The following STK32C variants were observed in gnomAD, a reference collection of about 807,000 sequenced individuals.
STK32C encodes serine/threonine kinase 32C.
A neutral mutation model predicts 56.5 loss-of-function variants in STK32C; 31 were observed. The observed-to-expected ratio is 0.55, with a 90% CI of 0.41 to 0.74. The LOEUF is 0.74. Among genes scored for constraint, STK32C ranks in the 30% least tolerant of loss-of-function variants. STK32C has a pLI of 0.00. For synonymous variants in STK32C, 309 were observed against 289.4 expected, an observed-to-expected ratio of 1.07 and a Z score of -0.69; for missense variants, 544 against 676.9, an observed-to-expected ratio of 0.80 and a Z score of 2.18.
intron 2 of STK32C, among the ~76,000 whole-genome samples, chr10:132,242,310 G>T (rs1055384577): frequency 6.6e-6 from 1 of 152,078 alleles, no homozygotes; most frequent in Admixed American, 6.5e-5. Context: ...GGGACGAGTG[G>T]GGGGAGTGCA....
chr10:132,298,351 G>A (rs1020950100), intron 1 of STK32C, among the ~76,000 whole-genome samples: 3 of 152,246 alleles, frequency 2.0e-5, no homozygotes, highest in African/African-American at 7.2e-5. Flanking sequence ...GCGCCCTGGG[G>A]CCTCTCAGGA....
upstream of STK32C, among the ~76,000 whole-genome samples, chr10:132,310,749 G>A (rs975132714): frequency 1.3e-5 from 2 of 152,264 alleles, no homozygotes; most frequent in Admixed American, 6.5e-5. This position sits in a 1 kb window ranked among gnomAD's most constrained non-coding sequence, Gnocchi z 4.6. Flanking sequence ...CTGACGTCTA[G>A]CACGCAGGAG....
chr10:132,319,168 C>T (rs930544593), downstream of STK32C, among the ~76,000 whole-genome samples: 3 of 152,132 alleles, frequency 2.0e-5, no homozygotes, highest in Non-Finnish European at 2.9e-5. Flanking sequence ...AGGCTGGTCT[C>T]GAAATCCTGA....
rs377579229 is a variant in STK32C, at chr10:132,245,951, G to C, written c.267C>G (p.Asn89Lys). 6.2e-7 allele frequency: 1 copy of C among 1,613,610 alleles called. No individual in the cohort carries two copies. Among genetic ancestry groups the C allele is most frequent in the South Asian group, 1.1e-5 (1 of 91,088 alleles). The change falls in exon 2 of 12, where the codon AAC becomes AAG. Residue 89 changes from asparagine (N) to lysine (K), a missense_variant. Asn to Lys is a moderately conservative substitution (Grantham distance 94). Coordinates refer to ENST00000298630, the MANE Select transcript of STK32C (RefSeq NM_173575.4). ...CCCGAAGGATCTGGAAGTGGTCGAA[G>C]TTCACTGCAGGATAAAACAGAGGGA... ...RPVFDDKEDV[N>K]FDHFQILRAI...
In STK32C at chr10:132,224,416, C is replaced by T. The variant is rs2062801602; in HGVS notation, c.984G>A (p.Leu328=). ...VPTWSKEMVA[L]LRKLLTVNPE... ...AGGGATGGGGGCTCACCTTCCGCAG[C>T]AAGGCCACCATCTCCTTGGACCACG... The change falls in exon 8 of 12, where the codon TTG becomes TTA. Residue 328 remains leucine, a synonymous_variant. Transcript: ENST00000298630. 3.7e-5 allele frequency: 57 copies of T among 1,551,970 alleles called. No individual in the cohort carries two copies. Among genetic ancestry groups the T allele is most frequent in the Non-Finnish European group, 4.7e-5 (54 of 1,147,484 alleles).
chr10:132,224,363 G>A (rs895445297), intron 8 of STK32C, 44 bp downstream of exon 8: 4 of 1,410,734 alleles, frequency 2.8e-6, no homozygotes, highest in South Asian at 1.2e-5. Flanking sequence ...GAGGGAGGGA[G>A]GTGGGTGCTC....
At chr10:132,266,246 C>T (rs943474083) in intron 1 of STK32C, among the ~76,000 whole-genome samples, 3 of 152,130 alleles carry the variant, frequency 2.0e-5, no homozygotes, top group East Asian at 1.9e-4. Context: ...GCGCGTCGTG[C>T]GATTCTGTTT....
chr10:132,277,592 G>T (rs1346827812), intron 1 of STK32C, among the ~76,000 whole-genome samples: 1 of 152,224 alleles, frequency 6.6e-6, no homozygotes, highest in Non-Finnish European at 1.5e-5. Context: ...AATCGGCAAG[G>T]AGTCCAGAGC....
At chr10:132,282,019 C>T (rs1180113328) in intron 1 of STK32C, among the ~76,000 whole-genome samples, 4 of 152,246 alleles carry the variant, frequency 2.6e-5, no homozygotes, top group African/African-American at 9.6e-5. Flanking sequence ...GAGGGAGGCG[C>T]CTCCCTGATC....
chr10:132,248,531 C>T (rs1325842187), intron 1 of STK32C, among the ~76,000 whole-genome samples: 1 of 152,244 alleles, frequency 6.6e-6, no homozygotes, highest in East Asian at 1.9e-4. Flanking sequence ...CCCAGAGACC[C>T]CTGTGCTCCT....
chr10:132,258,303 C>T (rs1170335337), intron 1 of STK32C, among the ~76,000 whole-genome samples: 2 of 152,256 alleles, frequency 1.3e-5, no homozygotes, highest in Non-Finnish European at 2.9e-5. Flanking sequence ...TTTTCACACA[C>T]ATTAGCACTT....
Position 132,294,165 on chromosome 10 carries a change from A to G in STK32C, c.262+13407T>C, listed in dbSNP as rs529456985. ...TAGGTGGTATTTGAACCATGAGATC[A>G]CCAGCGTGTGGGTGGAGCGGGAGGT... is the stretch of plus-strand genomic sequence containing the variant. On this transcript the variant is annotated intron_variant, in intron 1 of 11. Transcript: ENST00000298630. Among the ~76,000 whole-genome samples the G allele has an allele frequency of 1.8e-4, 28 of 152,262 alleles. No individual in the cohort carries two copies. The South Asian group carries it at 3.7e-3, about 20-fold the overall frequency.
chr10:132,301,541 A>G (rs2065910963), intron 1 of STK32C, among the ~76,000 whole-genome samples: 4 of 152,198 alleles, frequency 2.6e-5, no homozygotes. Context: ...TCGGGGACAC[A>G]GGATGCTCCG....
rs1030253672 is a variant in STK32C at position 132,237,752 on chromosome 10, C to T, written c.318+8148G>A. Among the ~76,000 whole-genome samples, 4 of 152,336 alleles carry T rather than the reference C, an allele frequency of 2.6e-5. No homozygotes were observed. In the East Asian group the frequency reaches 5.8e-4, roughly 22 times the overall value. On this transcript the variant is annotated intron_variant, in intron 2 of 11. Transcript: ENST00000298630. ...CGGGGCTGGCCCGGTGTGGCTTCAC[C>T]CCTCTGCCCCTAGAGCCTGGAGGAG...
At chr10:132,215,285 A>G (rs1172712282) in intron 10 of STK32C, among the ~76,000 whole-genome samples, 1 of 152,064 alleles carries the variant, frequency 6.6e-6, no homozygotes, top group Non-Finnish European at 1.5e-5. Flanking sequence ...ACAGGCATGC[A>G]CTGTTATGCC....
chr10:132,291,559 A>G (rs928520356), intron 1 of STK32C, among the ~76,000 whole-genome samples: 5 of 152,176 alleles, frequency 3.3e-5, no homozygotes, highest in East Asian at 3.9e-4. Context: ...AGCCCGCCCA[A>G]TGGAGTTGGG....
intron 1 of STK32C, among the ~76,000 whole-genome samples, chr10:132,259,762 G>C (rs2064243638): frequency 6.6e-6 from 1 of 152,156 alleles, no homozygotes; most frequent in African/African-American, 2.4e-5. Flanking sequence ...ATGCGAAAAC[G>C]GACTAATAAC....
At chr10:132,301,892 C>A (rs1260461568) in intron 1 of STK32C, among the ~76,000 whole-genome samples, 2 of 152,250 alleles carry the variant, frequency 1.3e-5, no homozygotes, top group African/African-American at 4.8e-5. Flanking sequence ...GACCAGCACC[C>A]CGTGGGTTTC....
Position 132,285,999 on chromosome 10 carries a change from G to A in STK32C, c.262+21573C>T, listed in dbSNP as rs141722806. 8.6e-3 allele frequency among the ~76,000 whole-genome samples: 1,308 copies of A among 152,110 alleles called. 12 individuals carry two copies. Among genetic ancestry groups the A allele is most frequent in the Non-Finnish European group, 0.014 (984 of 67,982 alleles). On this transcript the variant is annotated intron_variant, in intron 1 of 11. Transcript: ENST00000298630. The stretch of plus-strand genomic sequence containing the variant: ...AAATCAGCCAGGCTTGGTGGCGGGC[G>A]CCTGTCATCCCAGCTACTCGGGAGG...
Sources: allele counts gnomAD v4.1 joint callset (sites outside exome capture counted in the v4.1 genomes callset), GRCh38; gene constraint gnomAD v4.1.1; non-coding constraint Gnocchi (gnomAD v3.1); transcripts MANE v1.5; gene names NCBI Gene and HGNC (gene_info 2026-07-23, HGNC 2026-07-21).